RELN: variants seen among roughly 807,000 people sequenced by gnomAD.
The protein encoded by RELN is reelin.
RELN carries 108 observed loss-of-function variants against 427.6 expected under a neutral mutation model. That is an observed-to-expected ratio of 0.25 (90% confidence interval 0.22 to 0.30). RELN has a LOEUF of 0.30. Among genes scored for constraint, RELN ranks in the 10% least tolerant of loss-of-function variants. RELN has a pLI of 1.00. For missense variants in RELN, 3,715 were observed against 4,302.8 expected (o/e 0.86, Z 3.82); for synonymous variants, 1,524 against 1,513.4 (o/e 1.01, Z -0.16).
At chr7:103,782,954 C>T (rs1791929402) in intron 3 of RELN, among the ~76,000 whole-genome samples, 2 of 151,976 alleles carry the variant, frequency 1.3e-5, no homozygotes, top group Non-Finnish European at 1.5e-5. Flanking sequence ...GAAGAGCATT[C>T]GTTAATCAGC....
chr7:103,707,234 G>T (rs1244498502), intron 8 of RELN, among the ~76,000 whole-genome samples: 1 of 151,806 alleles, frequency 6.6e-6, no homozygotes, highest in Non-Finnish European at 1.5e-5. Flanking sequence ...TCCTAACTGG[G>T]CGCTCAAAAG....
At chr7:103,902,266 G>C (rs1426851598) in intron 2 of RELN, among the ~76,000 whole-genome samples, 1 of 151,840 alleles carries the variant, frequency 6.6e-6, no homozygotes, top group East Asian at 1.9e-4. Flanking sequence ...CTCTGTTTTT[G>C]TTATTATTGA....
At chr7:103,717,574 C>T (rs1453036919) in intron 8 of RELN, among the ~76,000 whole-genome samples, 2 of 151,790 alleles carry the variant, frequency 1.3e-5, no homozygotes, top group Admixed American at 1.3e-4. Flanking sequence ...GAATCTTACC[C>T]TTAAATAAAA....
rs1328040737 is a variant in RELN, at chr7:103,596,624, G to A, written c.3371C>T (p.Thr1124Ile). 1 of 1,614,010 alleles carries A rather than the reference G, an allele frequency of 6.2e-7. No homozygotes were observed. Among genetic ancestry groups the A allele is most frequent in the South Asian group, 1.1e-5 (1 of 91,084 alleles). Residue 1124 changes from threonine (T) to isoleucine (I), a missense_variant, in exon 25 of 65, where the codon ACT (threonine) becomes ATT (isoleucine). Thr to Ile is a moderately conservative substitution (Grantham distance 89). Transcript: ENST00000428762. Reference protein sequence around the residue: ...KRQLVSWDLDTSWVDFVQFYI... With the variant: ...KRQLVSWDLDISWVDFVQFYI... ...GAACTGGACAAAGTCCACCCAAGAA[G>A]TATCCAGGTCCCAACTCACCAGCTG...
chr7:103,498,859 A>ATATT (rs1828928734), intron 53 of RELN, among the ~76,000 whole-genome samples: 3 of 152,144 alleles, frequency 2.0e-5, no homozygotes, highest in South Asian at 2.1e-4. Context: ...CCAAACATGT[A>ATATT]TATTTGTTTA....
intron 55 of RELN, 64 bp from the exon 56 acceptor site, chr7:103,496,832 C>T: frequency 1.9e-6 from 3 of 1,564,900 alleles, no homozygotes; most frequent in Non-Finnish European, 2.6e-6. Flanking sequence ...CATAAACCAC[C>T]AGTATACTTC....
intron 2 of RELN, among the ~76,000 whole-genome samples, chr7:103,846,600 T>C (rs1465420006): frequency 6.6e-6 from 1 of 152,118 alleles, no homozygotes; most frequent in African/African-American, 2.4e-5. Flanking sequence ...ACTAAAGAGC[T>C]TCTGCACAGC....
At chr7:103,752,074 T>C (rs931716675) in intron 5 of RELN, among the ~76,000 whole-genome samples, 6 of 152,254 alleles carry the variant, frequency 3.9e-5, no homozygotes, top group African/African-American at 1.4e-4. Flanking sequence ...GGATACCTGT[T>C]TGTGTATTGA....
At chr7:103,691,011 G>C (rs1057024030) in intron 10 of RELN, among the ~76,000 whole-genome samples, 3 of 152,070 alleles carry the variant, frequency 2.0e-5, no homozygotes, top group African/African-American at 7.2e-5. Flanking sequence ...ACCATTTACA[G>C]TCCTCCTCAG....
chr7:103,651,636 A>C, intron 15 of RELN, 25 bp downstream of exon 15: 3 of 1,605,588 alleles, frequency 1.9e-6, no homozygotes, highest in Non-Finnish European at 2.6e-6. Context: ...CAAGTATTTC[A>C]ATATCTCAGA....
chr7:103,621,225 T>C (rs1284677565), intron 20 of RELN, among the ~76,000 whole-genome samples: 9 of 152,230 alleles, frequency 5.9e-5, no homozygotes, highest in African/African-American at 2.2e-4. Context: ...TGGCTACTAG[T>C]AATGCATTTA....
In RELN at chr7:103,566,242, T is replaced by C. The variant is rs756988903; in HGVS notation, c.4918A>G (p.Ile1640Val). The change falls in exon 33 of 65, where the codon ATA becomes GTA. Residue 1640 changes from isoleucine to valine, a missense_variant. Ile to Val is a conservative substitution (Grantham distance 29). This residue lies in a region of RELN where 2,208 missense variants were observed against 2,361.7 expected (regional missense o/e 0.93). Transcript: ENST00000428762. ...IDCLSMDTAL[I>V]FTENIGKPRY... ...TATATACCTATGTTTTCAGTGAATA[T>C]CAGAGCAGTATCCATAGAGAGACAG... The C allele has an allele frequency of 1.1e-5, 18 of 1,613,436 alleles. No individual in the cohort carries two copies. The East Asian group carries it at 3.8e-4, about 34-fold the overall frequency.
At chr7:103,903,653 CTTTT>C (rs374541017) in intron 2 of RELN, among the ~76,000 whole-genome samples, 95 of 151,650 alleles carry the variant, frequency 6.3e-4, no homozygotes, top group Non-Finnish European at 5.5e-4. Flanking sequence ...TCCTGATGTT[CTTTT>C]TTTTGTTTTT....
intron 52 of RELN, among the ~76,000 whole-genome samples, chr7:103,501,946 C>T (rs1436373342): frequency 6.6e-6 from 1 of 152,160 alleles, no homozygotes; most frequent in Non-Finnish European, 1.5e-5. Context: ...AGCATCCTGC[C>T]CCAGTTCTCT....
rs372239608 is a variant in RELN at position 103,725,284 on chromosome 7, G to A, written c.754-2093C>T. Among the ~76,000 whole-genome samples, 44 of 152,316 alleles carry A rather than the reference G, an allele frequency of 2.9e-4. No homozygotes were observed. In the South Asian group the frequency reaches 8.9e-3, roughly 31 times the overall value. On this transcript the variant is annotated intron_variant, in intron 7 of 64. Transcript: ENST00000428762. ...ATTCAGTAAATAGGCCTGGTGCAGA[G>A]GCTCATGCCTATAATCCCAGCACTT...
intron 2 of RELN, among the ~76,000 whole-genome samples, chr7:103,904,338 T>G (rs2116627932): frequency 6.6e-6 from 1 of 152,312 alleles, no homozygotes; most frequent in South Asian, 2.1e-4. Flanking sequence ...GTCTTCATAG[T>G]AGAATGATTT....
chr7:103,845,690 A>G (rs1362492722), intron 2 of RELN, among the ~76,000 whole-genome samples: 1 of 152,194 alleles, frequency 6.6e-6, no homozygotes, highest in Non-Finnish European at 1.5e-5. Flanking sequence ...TACAAAATCA[A>G]TGTGCAAAAA....
chr7:103,864,749 A>T (rs575815090), intron 2 of RELN, among the ~76,000 whole-genome samples: 14 of 152,158 alleles, frequency 9.2e-5, no homozygotes, highest in Non-Finnish European at 2.1e-4. Flanking sequence ...AACAATAGAA[A>T]AAAACAACAA....
intron 4 of RELN, among the ~76,000 whole-genome samples, chr7:103,774,601 C>T (rs1239943816): frequency 6.6e-6 from 1 of 152,038 alleles, no homozygotes; most frequent in Non-Finnish European, 1.5e-5. Context: ...TTAGATATTC[C>T]TTACCCAATA....
Sources: gnomAD v4.1 joint callset for allele counts (sites outside exome capture counted in the v4.1 genomes callset) on GRCh38, gnomAD v4.1.1 for gene constraint, gnomAD v4.1.1 regional missense constraint, MANE v1.5 for transcripts, NCBI Gene and HGNC (gene_info 2026-07-23, HGNC 2026-07-21) for gene names.